HELQ: variants seen among roughly 807,000 people sequenced by gnomAD.
HELQ encodes the protein helicase, POLQ like.
In HELQ, 77 loss-of-function variants were observed where a neutral mutation model predicts 111.6. The observed-to-expected ratio is 0.69, with a 90% CI of 0.57 to 0.83. The LOEUF is 0.83. Among genes scored for constraint, HELQ ranks in the 40% least tolerant of loss-of-function variants. HELQ has a pLI of 0.00. For missense variants in HELQ, 1,200 were observed against 1,288.5 expected (o/e 0.93, Z 1.05); for synonymous variants, 438 against 454.7 (o/e 0.96, Z 0.47).
chr4:83,443,587 G>T lies in HELQ; in HGVS notation c.1493C>A (p.Ala498Glu). ...SKTTQIIGMSATLNNVEDLQK... is the reference protein window; with the variant it reads ...SKTTQIIGMSETLNNVEDLQK... ...TAGGTCTTCAACATTGTTTAATGTTGCACTCATACCAATAATTTGAGTCGT... is the reference window on the plus strand; with the variant it reads ...TAGGTCTTCAACATTGTTTAATGTTTCACTCATACCAATAATTTGAGTCGT... The change falls in exon 6 of 18, where the codon GCA becomes GAA. Residue 498 changes from alanine to glutamate, a missense_variant. Physicochemically the swap from Ala to Glu is moderately radical, Grantham distance 107. Around this residue, in one of 3 missense-constraint regions of HELQ, gnomAD observed 610 missense variants for 607.1 expected, o/e 1.00. Transcript: ENST00000295488. 1.3e-6 allele frequency: 2 copies of T among 1,577,328 alleles called. No homozygotes were observed. The highest frequency in any genetic ancestry group is 1.7e-6 in the Non-Finnish European group (2 of 1,152,338).
At chr4:83,451,345 A>G (rs1413402084) in intron 2 of HELQ, among the ~76,000 whole-genome samples, 1 of 152,126 alleles carries the variant, frequency 6.6e-6, no homozygotes, top group East Asian at 1.9e-4. Context: ...ACCAGAGTAT[A>G]CCAGGCACAG....
At position 83,443,340 on chromosome 4, in the gene HELQ, C is replaced by A. The variant is rs192632410; in HGVS notation, c.1563+177G>T. Reference sequence around the variant, plus strand: ...AGTGACCCAACCCAAGATCCCTGACCTATACACAAACTCTTAAATTCTCTA... The same window carrying A: ...AGTGACCCAACCCAAGATCCCTGACATATACACAAACTCTTAAATTCTCTA... On this transcript the variant is annotated intron_variant, in intron 6 of 17. Coordinates refer to ENST00000295488, the MANE Select transcript of HELQ (RefSeq NM_133636.5). Among the ~76,000 whole-genome samples the A allele has an allele frequency of 1.8e-3, 267 of 152,272 alleles. 2 individuals carry two copies. Among genetic ancestry groups the A allele is most frequent in the African/African-American group, 6.0e-3 (248 of 41,554 alleles).
At position 83,432,283 on chromosome 4, in the gene HELQ, A is replaced by C; in HGVS notation, c.2049-16T>G. ...TAAAATAACTCTGTGGAATTAATGA[A>C]AAATGATACTCTACAGCAAACAGCA... On this transcript the variant is annotated splice_polypyrimidine_tract_variant and intron_variant, in intron 9 of 17. Coordinates refer to ENST00000295488, the MANE Select transcript of HELQ (RefSeq NM_133636.5). 1 of 1,526,902 alleles carries C rather than the reference A, an allele frequency of 6.5e-7. No individual in the cohort carries two copies. Among genetic ancestry groups the C allele is most frequent in the Non-Finnish European group, 8.8e-7 (1 of 1,138,462 alleles). 94.6% of individuals were successfully genotyped at this position (1,526,902 alleles called of 1,614,324 possible). A position where few individuals can be genotyped will look rare whatever the true frequency, so the allele number is the denominator to read the frequency against.
chr4:83,442,662 C>T (rs570420934), intron 6 of HELQ, among the ~76,000 whole-genome samples: 8 of 151,952 alleles, frequency 5.3e-5, no homozygotes, highest in East Asian at 1.9e-4. Flanking sequence ...CTGCCCACCT[C>T]GGCCTCCCAA....
chr4:83,420,234 G>A (rs1017772994), intron 15 of HELQ, among the ~76,000 whole-genome samples: 1 of 152,226 alleles, frequency 6.6e-6, no homozygotes, highest in African/African-American at 2.4e-5. Flanking sequence ...CATATGACCA[G>A]TATAAGGTTT....
intron 8 of HELQ, among the ~76,000 whole-genome samples, chr4:83,439,366 T>TC (rs1720646528): frequency 1.0e-5 from 1 of 99,774 alleles, no homozygotes; most frequent in East Asian, 5.0e-4. Flanking sequence ...TGCCTGGTCT[T>TC]CTTTTTTTTT....
chr4:83,440,800 G>T (rs116713169), intron 7 of HELQ, among the ~76,000 whole-genome samples: 1,770 of 152,242 alleles, frequency 0.012, 28 homozygotes, highest in African/African-American at 0.041. Context: ...AGGGCCCAAA[G>T]AAATACTTTA....
At position 83,453,298 on chromosome 4, in the gene HELQ, A is replaced by G. The variant is rs768626407; in HGVS notation, c.945T>C (p.Pro315=). Residue 315 remains proline (P), a synonymous_variant, in exon 2 of 18, where the codon CCT becomes CCC. Coordinates refer to ENST00000295488, the MANE Select transcript of HELQ (RefSeq NM_133636.5). The part of the protein sequence containing the change: ...TVESSSNDLG[P]FYSLPSKVRD... ...TCACTTTGCTGGGTAATGAATAAAA[A>G]GGACCAAGGTCATTTGATGATGACT... The G allele has an allele frequency of 1.9e-6, 3 of 1,613,884 alleles. No homozygotes were observed. Among genetic ancestry groups the G allele is most frequent in the South Asian group, 2.2e-5 (2 of 91,006 alleles).
intron 1 of HELQ, 48 bp downstream of exon 1, chr4:83,455,349 G>A (rs768714299): frequency 6.9e-6 from 11 of 1,590,524 alleles, no homozygotes; most frequent in Non-Finnish European, 9.4e-6. Context: ...CTTTGCATCT[G>A]GGAAGGATGC....
chr4:83,410,985 T>TAAA (rs770944150), intron 17 of HELQ, among the ~76,000 whole-genome samples: 1 of 132,460 alleles, frequency 7.5e-6, no homozygotes, highest in Admixed American at 7.6e-5. Context: ...ACCCCATCTC[T>TAAA]AAAAAAAAAA....
At chr4:83,413,052 A>T (rs1485789200) in intron 17 of HELQ, among the ~76,000 whole-genome samples, 1 of 152,252 alleles carries the variant, frequency 6.6e-6, no homozygotes, top group Admixed American at 6.5e-5. Flanking sequence ...CTAAGAGTAC[A>T]GGATTCACAG....
chr4:83,447,470 G>A (rs1405115933), intron 3 of HELQ, among the ~76,000 whole-genome samples: 2 of 152,210 alleles, frequency 1.3e-5, no homozygotes, highest in Non-Finnish European at 2.9e-5. Context: ...TCACAGGCAA[G>A]ACATACGTAA....
Position 83,443,694 on chromosome 4 carries a change from T to C in HELQ, c.1466-80A>G, listed in dbSNP as rs1265750685. ...TATCATAAAGTAATTTTAGCAAGTC[T>C]TTTGTGCTCTGAATTCTTCCTGAGT... is the stretch of plus-strand genomic sequence containing the variant. On this transcript the variant is annotated intron_variant, in intron 5 of 17. Coordinates refer to ENST00000295488, the MANE Select transcript of HELQ (RefSeq NM_133636.5). 1.2e-4 allele frequency: 65 copies of C among 560,504 alleles called. No individual in the cohort carries two copies. In the East Asian group the frequency reaches 2.0e-3, roughly 17 times the overall value. 34.7% of individuals were successfully genotyped at this position (560,504 alleles called of 1,614,324 possible). A position where few individuals can be genotyped will look rare whatever the true frequency, so the allele number is the denominator to read the frequency against.
chr4:83,435,186 T>C (rs1279158670), intron 9 of HELQ, among the ~76,000 whole-genome samples: 1 of 152,172 alleles, frequency 6.6e-6, no homozygotes, highest in African/African-American at 2.4e-5. Context: ...TGTAATAAAA[T>C]ATGACCTTCC....
At chr4:83,436,136 T>C (rs1720444367) in intron 9 of HELQ, among the ~76,000 whole-genome samples, 1 of 152,010 alleles carries the variant, frequency 6.6e-6, no homozygotes, top group South Asian at 2.1e-4. Context: ...CTTCTAGAGA[T>C]GCAAAAAGGA....
intron 3 of HELQ, 94 bp from the exon 4 acceptor site, chr4:83,447,129 C>T (rs1721094266): frequency 1.5e-5 from 12 of 803,834 alleles, no homozygotes; most frequent in Non-Finnish European, 2.4e-5. Flanking sequence ...GGGAAGATCA[C>T]TTGAGCCCAG....
chr4:83,450,734 G>C (rs1415340877), intron 2 of HELQ, among the ~76,000 whole-genome samples: 1 of 150,400 alleles, frequency 6.6e-6, no homozygotes, highest in African/African-American at 2.4e-5. Context: ...GGGAGGCTGA[G>C]ACAGCAGGAC....
At chr4:83,442,780 G>A (rs888297355) in intron 6 of HELQ, among the ~76,000 whole-genome samples, 1 of 151,946 alleles carries the variant, frequency 6.6e-6, no homozygotes, top group African/African-American at 2.4e-5. Flanking sequence ...TTGAACTCCT[G>A]GACTCAAGCA....
intron 9 of HELQ, among the ~76,000 whole-genome samples, chr4:83,434,588 G>A (rs563689742): frequency 9.2e-5 from 14 of 151,566 alleles, no homozygotes; most frequent in Non-Finnish European, 1.2e-4. Context: ...TCAGCCTCTC[G>A]AGCAGCTGGG....
Sources: allele counts gnomAD v4.1 joint callset (sites outside exome capture counted in the v4.1 genomes callset), GRCh38; gene constraint gnomAD v4.1.1; regional missense constraint gnomAD v4.1.1; transcripts MANE v1.5; gene names NCBI Gene and HGNC (gene_info 2026-07-23, HGNC 2026-07-21).